The following PCCA variants were observed in gnomAD, a reference collection of about 807,000 sequenced individuals.
PCCA encodes propionyl-CoA carboxylase subunit alpha.
In PCCA, 74 loss-of-function variants were observed where a neutral mutation model predicts 101.3. That is an observed-to-expected ratio of 0.73 (90% CI 0.61 to 0.89). PCCA has a LOEUF of 0.89. Among genes scored for constraint, PCCA ranks in the 40% least tolerant of loss-of-function variants. The pLI, the probability that PCCA is intolerant of heterozygous loss-of-function variation, is 0.00. For missense variants in PCCA, 891 were observed against 907.0 expected (o/e 0.98, Z 0.23); for synonymous variants, 294 against 313.6 (o/e 0.94, Z 0.66).
intron 2 of PCCA, 93 bp from the exon 3 acceptor site, chr13:100,111,748 A>ATTAC (rs2048339509): frequency 8.0e-6 from 6 of 747,360 alleles, no homozygotes; most frequent in Non-Finnish European, 1.4e-5. Context: ...GGTTATATTC[A>ATTAC]GTGTTGATGT....
At chr13:100,206,370 A>G (rs2058852337) in intron 6 of PCCA, among the ~76,000 whole-genome samples, 1 of 152,054 alleles carries the variant, frequency 6.6e-6, no homozygotes, top group East Asian at 1.9e-4. Context: ...AGGTTCAAGC[A>G]ATTCTCCTGC....
At chr13:100,379,057 A>G (rs2076080293) in intron 19 of PCCA, among the ~76,000 whole-genome samples, 3 of 152,002 alleles carry the variant, frequency 2.0e-5, no homozygotes, top group African/African-American at 4.8e-5. Context: ...GCTTCTTCCA[A>G]TTTTAGAATT....
intron 4 of PCCA, among the ~76,000 whole-genome samples, chr13:100,123,302 T>G (rs1250330020): frequency 6.6e-6 from 1 of 152,116 alleles, no homozygotes; most frequent in African/African-American, 2.4e-5. Flanking sequence ...TGATCCACCC[T>G]CCTCGGCTTC....
At chr13:100,411,149 C>T (rs558113303) in intron 19 of PCCA, among the ~76,000 whole-genome samples, 7 of 151,324 alleles carry the variant, frequency 4.6e-5, no homozygotes, top group African/African-American at 1.7e-4. Flanking sequence ...TAGGGCTTAA[C>T]TTTACAAACT....
chr13:100,155,212 A>T (rs1182176282), intron 5 of PCCA, 120 bp downstream of exon 5: 1 of 738,304 alleles, frequency 1.4e-6, no homozygotes, highest in Non-Finnish European at 2.4e-6. Flanking sequence ...CAGTTAGTTC[A>T]TGTCACATGA....
intron 4 of PCCA, among the ~76,000 whole-genome samples, chr13:100,113,253 GGTAA>G (rs763555809): frequency 4.6e-5 from 7 of 152,216 alleles, no homozygotes; most frequent in South Asian, 2.1e-4. Context: ...GTAACACAAT[GGTAA>G]GTATTTGTGT....
chr13:100,162,307 C>T (rs1325269322), intron 6 of PCCA, among the ~76,000 whole-genome samples: 1 of 152,136 alleles, frequency 6.6e-6, no homozygotes, highest in East Asian at 1.9e-4. Context: ...ATCTTTATGA[C>T]AACTTATGAT....
chr13:100,169,647 G>C (rs914430749), intron 6 of PCCA, among the ~76,000 whole-genome samples: 10 of 150,918 alleles, frequency 6.6e-5, no homozygotes. Context: ...CCTGCCTCAG[G>C]CTCCTGAGTA....
At chr13:100,460,583 A>T (rs1371528723) in intron 21 of PCCA, among the ~76,000 whole-genome samples, 1 of 152,250 alleles carries the variant, frequency 6.6e-6, no homozygotes, top group East Asian at 1.9e-4. Context: ...AAGCTAATTT[A>T]AATCTCAAAT....
rs147783455 is a variant in PCCA at position 100,298,433 on chromosome 13, A to G, written c.1066-3027A>G. ...TGACACAGAAACCTTTTCCCCCCAC[A>G]TAATAGCCCTCAAAACAGATGCATA... On this transcript the variant is annotated intron_variant, in intron 12 of 23. Transcript: ENST00000376285. 2.9e-3 allele frequency among the ~76,000 whole-genome samples: 446 copies of G among 152,290 alleles called. 1 individual carries two copies. Among genetic ancestry groups the G allele is most frequent in the African/African-American group, 0.01 (422 of 41,564 alleles).
chr13:100,517,187 C>T (rs543118340), intron 22 of PCCA, among the ~76,000 whole-genome samples: 124 of 152,148 alleles, frequency 8.1e-4, no homozygotes, highest in African/African-American at 2.8e-3. Flanking sequence ...ACTCCTGCCT[C>T]AAGCCTGGAG....
At chr13:100,444,339 G>A (rs952632094) in intron 20 of PCCA, among the ~76,000 whole-genome samples, 1 of 150,420 alleles carries the variant, frequency 6.6e-6, no homozygotes, top group Non-Finnish European at 1.5e-5. Flanking sequence ...TGAGTAGCTC[G>A]GATTACAGGT....
intron 4 of PCCA, among the ~76,000 whole-genome samples, chr13:100,138,717 G>A (rs1856827339): frequency 6.6e-6 from 1 of 151,910 alleles, no homozygotes; most frequent in African/African-American, 2.4e-5. Context: ...GGTGGATCAC[G>A]AGGTCAGGAG....
At chr13:100,524,060 G>A (rs929570180) in intron 22 of PCCA, among the ~76,000 whole-genome samples, 1 of 152,200 alleles carries the variant, frequency 6.6e-6, no homozygotes, top group Non-Finnish European at 1.5e-5. Context: ...CAGCTCCCTG[G>A]TGTACCCTAC....
intron 6 of PCCA, among the ~76,000 whole-genome samples, chr13:100,176,012 T>C (rs2056207044): frequency 6.6e-6 from 1 of 152,230 alleles, no homozygotes; most frequent in Non-Finnish European, 1.5e-5. Flanking sequence ...CTGATCGTTA[T>C]GCAATGAGTT....
chr13:100,491,491 G>A (rs2084904678), intron 21 of PCCA: 1 of 345,814 alleles, frequency 2.9e-6, no homozygotes, highest in South Asian at 2.8e-5. Context: ...AATGGAAAGG[G>A]TAATTTACCA....
chr13:100,154,264 T>C (rs550365751), intron 4 of PCCA, among the ~76,000 whole-genome samples: 1 of 152,362 alleles, frequency 6.6e-6, no homozygotes, highest in South Asian at 2.1e-4. Context: ...TCATATTGAA[T>C]GCTTAGCTTC....
chr13:100,132,000 G>T (rs1162109028), intron 4 of PCCA, among the ~76,000 whole-genome samples: 3 of 152,166 alleles, frequency 2.0e-5, no homozygotes, highest in Non-Finnish European at 2.9e-5. Context: ...CCTGAAGGGG[G>T]TGACAAGAGT....
At chr13:100,216,119 T>A (rs2059496227) in intron 7 of PCCA, among the ~76,000 whole-genome samples, 1 of 141,660 alleles carries the variant, frequency 7.1e-6, no homozygotes, top group African/African-American at 2.6e-5. Flanking sequence ...TCCCCTTCCC[T>A]TTTTTGGGTT....
Sources: allele counts gnomAD v4.1 joint callset (sites outside exome capture counted in the v4.1 genomes callset), GRCh38; gene constraint gnomAD v4.1.1; transcripts MANE v1.5; gene names NCBI Gene and HGNC (gene_info 2026-07-23, HGNC 2026-07-21).